Variants in NKAIN3 observed in about 807,000 individuals in gnomAD.
NKAIN3 encodes the protein sodium/potassium transporting ATPase interacting 3.
NKAIN3 carries 25 observed loss-of-function variants against 30.2 expected under a neutral mutation model. The ratio of observed to expected loss-of-function variants is 0.83; its 90% CI spans 0.60 to 1.16. NKAIN3 has a LOEUF of 1.16. Ranked by LOEUF, NKAIN3 falls within the 50% of genes most tolerant of loss-of-function variation. The probability of loss-of-function intolerance (pLI) is 0.00; values close to 1 mark genes in which losing one functional copy is unlikely to be tolerated. For missense variants in NKAIN3, 225 were observed against 254.1 expected (o/e 0.89, Z 0.78); for synonymous variants, 91 against 89.6 (o/e 1.02, Z -0.09).
intron 1 of NKAIN3, among the ~76,000 whole-genome samples, chr8:62,554,623 G>T (rs1809325992): frequency 6.6e-6 from 1 of 152,010 alleles, no homozygotes; most frequent in South Asian, 2.1e-4. Context: ...TATTTTAAAT[G>T]GTACTAGGCT....
chr8:62,742,781 C>A (rs778742177), intron 3 of NKAIN3, among the ~76,000 whole-genome samples: 1 of 152,146 alleles, frequency 6.6e-6, no homozygotes, highest in African/African-American at 2.4e-5. Flanking sequence ...TTAGTCTGTT[C>A]TCACACTGCT....
intron 1 of NKAIN3, 41 bp downstream of exon 1, chr8:62,249,168 C>A: frequency 6.8e-7 from 1 of 1,481,092 alleles, no homozygotes; most frequent in Non-Finnish European, 9.0e-7. Flanking sequence ...CAGGTCCCTG[C>A]TCCAGGACCG....
chr8:62,316,613 A>G (rs978616976), intron 1 of NKAIN3, among the ~76,000 whole-genome samples: 1 of 152,010 alleles, frequency 6.6e-6, no homozygotes, highest in South Asian at 2.1e-4. Flanking sequence ...TGAACTCATC[A>G]TTTTTTATGG....
chr8:62,809,681 T>C (rs1335244033), intron 4 of NKAIN3, among the ~76,000 whole-genome samples: 1 of 152,216 alleles, frequency 6.6e-6, no homozygotes, highest in Non-Finnish European at 1.5e-5. Context: ...ATATATTGAA[T>C]GCATATTGAA....
intron 2 of NKAIN3, among the ~76,000 whole-genome samples, chr8:62,584,309 G>A (rs1158421994): frequency 6.6e-6 from 1 of 152,142 alleles, no homozygotes; most frequent in Non-Finnish European, 1.5e-5. Context: ...CTCACGCAGA[G>A]ATTAATAAAA....
chr8:62,608,253 C>T (rs1410804148), intron 3 of NKAIN3, among the ~76,000 whole-genome samples: 10 of 152,032 alleles, frequency 6.6e-5, no homozygotes, highest in Non-Finnish European at 1.3e-4. Flanking sequence ...AGGAGAAAAA[C>T]ATTGATAAAT....
At chr8:62,910,196 A>C (rs1821890563) in intron 4 of NKAIN3, among the ~76,000 whole-genome samples, 1 of 152,160 alleles carries the variant, frequency 6.6e-6, no homozygotes, top group Non-Finnish European at 1.5e-5. Context: ...TCTTTTCAGA[A>C]AATGCAGTTA....
intron 3 of NKAIN3, among the ~76,000 whole-genome samples, chr8:62,715,610 C>T (rs1375657831): frequency 6.6e-6 from 1 of 152,106 alleles, no homozygotes; most frequent in Non-Finnish European, 1.5e-5. Flanking sequence ...AGTTGAGATA[C>T]ATAAAGTGCT....
intron 3 of NKAIN3, among the ~76,000 whole-genome samples, chr8:62,652,086 T>G (rs1446814403): frequency 6.6e-6 from 1 of 152,050 alleles, no homozygotes; most frequent in Admixed American, 6.6e-5. Context: ...GTCTCAAAAT[T>G]TTAGAAGGTC....
intron 3 of NKAIN3, among the ~76,000 whole-genome samples, chr8:62,665,789 A>G (rs1813079664): frequency 2.6e-5 from 4 of 152,148 alleles, no homozygotes. Context: ...AAAGGTGTCT[A>G]TGTGCCCAGC....
intron 1 of NKAIN3, among the ~76,000 whole-genome samples, chr8:62,413,504 G>A (rs1435346343): frequency 6.6e-6 from 1 of 152,092 alleles, no homozygotes; most frequent in Non-Finnish European, 1.5e-5. Context: ...CATATGTAGA[G>A]GGTATTCAAA....
At chr8:62,368,862 C>CTATG (rs901404186) in intron 1 of NKAIN3, among the ~76,000 whole-genome samples, 5 of 151,196 alleles carry the variant, frequency 3.3e-5, no homozygotes, top group African/African-American at 1.2e-4. Context: ...ACGTGGCTTA[C>CTATG]TATGGCACAT....
At chr8:62,527,935 CAGAA>C (rs1460648203) in intron 1 of NKAIN3, among the ~76,000 whole-genome samples, 2 of 129,842 alleles carry the variant, frequency 1.5e-5, no homozygotes, top group East Asian at 2.1e-4. Flanking sequence ...GACAGAGAGA[CAGAA>C]AGAGAGAGAC....
intron 4 of NKAIN3, among the ~76,000 whole-genome samples, chr8:62,905,990 G>A (rs537583005): frequency 6.6e-6 from 1 of 152,278 alleles, no homozygotes; most frequent in Non-Finnish European, 1.5e-5. Flanking sequence ...CTTCGTGCAT[G>A]AGGTAACTTC....
chr8:62,295,727 A>C (rs973840843), intron 1 of NKAIN3, among the ~76,000 whole-genome samples: 2 of 151,912 alleles, frequency 1.3e-5, no homozygotes, highest in Non-Finnish European at 2.9e-5. Flanking sequence ...AAAATCTGCT[A>C]AACATAAAAT....
chr8:62,249,813 G>C (rs1812034671), intron 1 of NKAIN3, among the ~76,000 whole-genome samples: 1 of 152,164 alleles, frequency 6.6e-6, no homozygotes, highest in Non-Finnish European at 1.5e-5. Context: ...CCATTGGCGC[G>C]GTGCCTTGCA....
chr8:62,268,502 A>G (rs1812675324), intron 1 of NKAIN3, among the ~76,000 whole-genome samples: 1 of 152,158 alleles, frequency 6.6e-6, no homozygotes, highest in Non-Finnish European at 1.5e-5. Context: ...GCTGTTCTGC[A>G]AATTTCTCCA....
chr8:62,846,141 A>G (rs1819682475), intron 4 of NKAIN3, among the ~76,000 whole-genome samples: 1 of 152,166 alleles, frequency 6.6e-6, no homozygotes, highest in Admixed American at 6.6e-5. Context: ...ACACTAACAT[A>G]ACATGTAGAG....
intron 5 of NKAIN3, among the ~76,000 whole-genome samples, chr8:62,922,601 A>C (rs903573810): frequency 1.3e-5 from 2 of 152,182 alleles, no homozygotes; most frequent in African/African-American, 4.8e-5. Context: ...TGAAGGTGAG[A>C]GCAGAGGACA....
Sources: allele counts gnomAD v4.1 joint callset (sites outside exome capture counted in the v4.1 genomes callset), GRCh38; gene constraint gnomAD v4.1.1; transcripts MANE v1.5; gene names NCBI Gene and HGNC (gene_info 2026-07-23, HGNC 2026-07-21).